Variants in BANK1 observed in about 807,000 individuals in gnomAD.
BANK1 encodes B cell scaffold protein with ankyrin repeats 1, also known as B-cell scaffold protein with ankyrin repeats.
A neutral mutation model predicts 94.5 loss-of-function variants in BANK1; 95 were observed. That is an observed-to-expected ratio of 1.00 (90% CI 0.85 to 1.19). The LOEUF (loss-of-function observed/expected upper bound fraction) is 1.19, where lower values mean the gene tolerates loss of function less well. BANK1 is among the 50% of genes most tolerant of loss of function. The probability of loss-of-function intolerance (pLI) is 0.00; values close to 1 mark genes in which losing one functional copy is unlikely to be tolerated. For synonymous variants in BANK1, 334 were observed against 308.4 expected, an observed-to-expected ratio of 1.08 and a Z score of -0.87; for missense variants, 987 against 932.2, an observed-to-expected ratio of 1.06 and a Z score of -0.77.
chr4:102,028,050 TAACTG>T (rs1353512059), intron 9 of BANK1, among the ~76,000 whole-genome samples: 1 of 152,214 alleles, frequency 6.6e-6, no homozygotes, highest in South Asian at 2.1e-4. Flanking sequence ...GTCCCACTCT[TAACTG>T]AAAAGTATTA....
At chr4:101,825,739 A>T (rs112709516) in intron 1 of BANK1, among the ~76,000 whole-genome samples, 1 of 152,126 alleles carries the variant, frequency 6.6e-6, no homozygotes, top group Non-Finnish European at 1.5e-5. Flanking sequence ...AAATACTGAA[A>T]TGATTTCATC....
At chr4:101,888,434 G>T (rs1728934530) in intron 5 of BANK1, among the ~76,000 whole-genome samples, 1 of 152,100 alleles carries the variant, frequency 6.6e-6, no homozygotes, top group Non-Finnish European at 1.5e-5. Context: ...CCTCTTTCTG[G>T]CTAAACATCA....
At chr4:102,029,486 A>C (rs4143099) in intron 9 of BANK1, among the ~76,000 whole-genome samples, 6,232 of 149,762 alleles carry the variant, frequency 0.042, 164 homozygotes, top group East Asian at 0.1. Context: ...TGATTTTCTG[A>C]TATGAAATCA....
chr4:101,874,648 G>C (rs1728418848), intron 5 of BANK1, among the ~76,000 whole-genome samples: 1 of 152,186 alleles, frequency 6.6e-6, no homozygotes, highest in Non-Finnish European at 1.5e-5. Context: ...ACAGACTGCA[G>C]GTTCCCAAGT....
chr4:101,863,727 T>C (rs1727968729), intron 4 of BANK1, among the ~76,000 whole-genome samples: 1 of 152,128 alleles, frequency 6.6e-6, no homozygotes, highest in Admixed American at 6.6e-5. Context: ...TGAGAAAAAC[T>C]CTGTCTCTTT....
chr4:101,895,537 G>C, intron 6 of BANK1, 127 bp downstream of exon 6: 1 of 572,194 alleles, frequency 1.7e-6, no homozygotes, highest in East Asian at 3.5e-5. Flanking sequence ...GACAACTCCT[G>C]ACTCCTGGTG....
intron 7 of BANK1, among the ~76,000 whole-genome samples, chr4:101,961,773 A>G (rs1047959222): frequency 6.6e-6 from 1 of 152,164 alleles, no homozygotes; most frequent in African/African-American, 2.4e-5. Context: ...CAGCCCTTTC[A>G]GTGCTATTTA....
rs1728848279 is a variant in BANK1, at chr4:102,074,181, G to C, written c.*182G>C. 1 of 154,096 alleles carries C rather than the reference G, an allele frequency of 6.5e-6. No individual in the cohort carries two copies. The highest frequency in any genetic ancestry group is 2.4e-5 in the African/African-American group (1 of 41,328). 9.5% of individuals were successfully genotyped at this position (154,096 alleles called of 1,614,324 possible). On this transcript the variant is annotated 3_prime_UTR_variant, in exon 17 of 17. Transcript: ENST00000322953. ...ATTCTCATTATACCTGCTTCATATG[G>C]GTATATTACTATTAAAACAGAATAC...
At chr4:101,802,422 T>C (rs1725385574) in intron 1 of BANK1, among the ~76,000 whole-genome samples, 2 of 152,332 alleles carry the variant, frequency 1.3e-5, no homozygotes, top group South Asian at 4.1e-4. Flanking sequence ...GTAGAAAGCT[T>C]CCATTAAGCA....
At chr4:101,883,871 T>A (rs1392774238) in intron 5 of BANK1, among the ~76,000 whole-genome samples, 1 of 152,190 alleles carries the variant, frequency 6.6e-6, no homozygotes, top group Non-Finnish European at 1.5e-5. Context: ...GGAACAAACC[T>A]CAAATCATCA....
chr4:102,006,769 T>C (rs1181847521), intron 7 of BANK1, among the ~76,000 whole-genome samples: 1 of 151,646 alleles, frequency 6.6e-6, no homozygotes, highest in African/African-American at 2.4e-5. Context: ...TTTAATTTGC[T>C]GGCCCTTACT....
Position 102,025,354 on chromosome 4 carries a change from C to A in BANK1, c.1439C>A (p.Ser480Tyr). The change falls in exon 9 of 17, where the codon TCT becomes TAT. Residue 480 changes from serine (S) to tyrosine (Y), a missense_variant. By Grantham distance (144) the Ser-to-Tyr change is moderately radical. Transcript: ENST00000322953. ...HSPLEVGSES[S>Y]EDQYDDLYVF... ...CCACTAGAGGTTGGCAGTGAGAGTT[C>A]TGAAGACCAGTATGATGACTTGTAT... 2 of 1,614,050 alleles carry A rather than the reference C, an allele frequency of 1.2e-6. No homozygotes were observed. The highest frequency in any genetic ancestry group is 8.5e-7 in the Non-Finnish European group (1 of 1,179,986).
intron 7 of BANK1, chr4:101,972,806 C>G (rs941985953): frequency 6.6e-6 from 1 of 152,094 alleles, no homozygotes; most frequent in Non-Finnish European, 1.5e-5. Context: ...GTCCCCCTCA[C>G]GTGCACATAA....
chr4:101,879,390 AG>A (rs1350065137), intron 5 of BANK1, among the ~76,000 whole-genome samples: 1 of 152,152 alleles, frequency 6.6e-6, no homozygotes, highest in Non-Finnish European at 1.5e-5. Context: ...CAAACTACCA[AG>A]ATTGAACCAT....
At chr4:101,820,685 C>A (rs1726108534) in intron 1 of BANK1, among the ~76,000 whole-genome samples, 1 of 152,108 alleles carries the variant, frequency 6.6e-6, no homozygotes, top group South Asian at 2.1e-4. Context: ...TTCATAAATT[C>A]TTATCATTTA....
At chr4:101,934,255 T>A (rs115527019) in intron 7 of BANK1, among the ~76,000 whole-genome samples, 108 of 151,520 alleles carry the variant, frequency 7.1e-4, no homozygotes, top group Middle Eastern at 3.4e-3. Context: ...ATTTTTTTTT[T>A]AAAAGACTGC....
chr4:101,825,463 TTTTTATTAAC>T (rs1174611163), intron 1 of BANK1, among the ~76,000 whole-genome samples: 1 of 151,944 alleles, frequency 6.6e-6, no homozygotes, highest in African/African-American at 2.4e-5. Flanking sequence ...ATTAAAAGAG[TTTTTATTAAC>T]TTTTATATTT....
chr4:102,029,253 G>T (rs1192555598), intron 9 of BANK1, among the ~76,000 whole-genome samples: 1 of 152,022 alleles, frequency 6.6e-6, no homozygotes, highest in African/African-American at 2.4e-5. Flanking sequence ...ATTTCTGAAG[G>T]TCAGTTTGTC....
chr4:101,988,986 CATTAT>C (rs1560669920), intron 7 of BANK1, among the ~76,000 whole-genome samples: 3 of 152,104 alleles, frequency 2.0e-5, no homozygotes, highest in Non-Finnish European at 4.4e-5. Context: ...CTTTATATAA[CATTAT>C]ATAACATTCC....
Sources: gnomAD v4.1 joint callset for allele counts (sites outside exome capture counted in the v4.1 genomes callset) on GRCh38, gnomAD v4.1.1 for gene constraint, MANE v1.5 for transcripts, NCBI Gene and HGNC (gene_info 2026-07-23, HGNC 2026-07-21) for gene names.